The following ASIC2 variants were observed in gnomAD, a reference collection of about 807,000 sequenced individuals.
ASIC2 encodes acid sensing ion channel subunit 2.
Under a neutral mutation model 57.3 loss-of-function variants are expected in ASIC2, and 25 were observed. That is an observed-to-expected ratio of 0.44 (90% CI 0.32 to 0.61). The LOEUF is 0.61. ASIC2 is among the 20% of genes least tolerant of loss of function. The pLI, the probability that ASIC2 is intolerant of heterozygous loss-of-function variation, is 0.06. For missense variants in ASIC2, 641 were observed against 738.1 expected (o/e 0.87, Z 1.52); for synonymous variants, 319 against 307.5 (o/e 1.04, Z -0.39).
chr17:34,042,565 G>A (rs1227797943), intron 1 of ASIC2, among the ~76,000 whole-genome samples: 1 of 151,930 alleles, frequency 6.6e-6, no homozygotes, highest in Non-Finnish European at 1.5e-5. Flanking sequence ...GGTGTGGGAA[G>A]GACAGGAGGG....
At chr17:33,679,041 C>T (rs1178653469) in intron 1 of ASIC2, among the ~76,000 whole-genome samples, 1 of 152,172 alleles carries the variant, frequency 6.6e-6, no homozygotes, top group African/African-American at 2.4e-5. Context: ...TTAGTGTGTT[C>T]ATGTTTCAAC....
At chr17:33,795,715 T>G (rs943699233) in intron 1 of ASIC2, among the ~76,000 whole-genome samples, 1 of 152,224 alleles carries the variant, frequency 6.6e-6, no homozygotes, top group South Asian at 2.1e-4. Context: ...TTGATAGATA[T>G]CTCTCATAAA....
chr17:34,086,376 T>C (rs1910113008), intron 1 of ASIC2, among the ~76,000 whole-genome samples: 1 of 152,248 alleles, frequency 6.6e-6, no homozygotes, highest in African/African-American at 2.4e-5. Flanking sequence ...TCCTGAGTTC[T>C]AATTTGATTG....
At chr17:34,034,568 A>T (rs1907776332) in intron 1 of ASIC2, among the ~76,000 whole-genome samples, 1 of 152,226 alleles carries the variant, frequency 6.6e-6, no homozygotes, top group Admixed American at 6.5e-5. Flanking sequence ...GAGGAAGTCA[A>T]ATTGTCCCTG....
intron 1 of ASIC2, among the ~76,000 whole-genome samples, chr17:33,878,157 A>G (rs1358404175): frequency 6.6e-6 from 1 of 152,212 alleles, no homozygotes; most frequent in East Asian, 1.9e-4. Flanking sequence ...AAAGATGGGG[A>G]AAAAACAGAG....
At chr17:33,894,988 A>G (rs1452458942) in intron 1 of ASIC2, among the ~76,000 whole-genome samples, 1 of 152,180 alleles carries the variant, frequency 6.6e-6, no homozygotes, top group Non-Finnish European at 1.5e-5. Context: ...CCCTGCAATT[A>G]GAGCCCATAT....
chr17:34,077,152 C>T (rs1038575291), intron 1 of ASIC2, among the ~76,000 whole-genome samples: 3 of 152,278 alleles, frequency 2.0e-5, no homozygotes, highest in African/African-American at 4.8e-5. Context: ...TCCTCTCTAC[C>T]GGTATTACCC....
At chr17:33,847,093 G>A (rs1913629036) in intron 1 of ASIC2, among the ~76,000 whole-genome samples, 1 of 151,568 alleles carries the variant, frequency 6.6e-6, no homozygotes, top group Non-Finnish European at 1.5e-5. Flanking sequence ...GCACCTAAAG[G>A]ATTTGGAAAT....
At chr17:33,218,428 C>G (rs1907576683) in intron 1 of ASIC2, among the ~76,000 whole-genome samples, 1 of 152,206 alleles carries the variant, frequency 6.6e-6, no homozygotes, top group Non-Finnish European at 1.5e-5. Flanking sequence ...CAGTGCCCGG[C>G]ACAGTGGAAC....
intron 8 of ASIC2, among the ~76,000 whole-genome samples, chr17:33,016,875 A>AG (rs1257418545): frequency 6.6e-6 from 1 of 152,164 alleles, no homozygotes; most frequent in Non-Finnish European, 1.5e-5. Context: ...TCTCACAGCC[A>AG]GGGGGATGGA....
chr17:33,901,529 A>C (rs1915231786), intron 1 of ASIC2, among the ~76,000 whole-genome samples: 1 of 152,124 alleles, frequency 6.6e-6, no homozygotes, highest in Non-Finnish European at 1.5e-5. Context: ...CCTGGAAGCC[A>C]GCTCAGTACT....
chr17:33,195,742 G>C (rs958070211), intron 1 of ASIC2, among the ~76,000 whole-genome samples: 6 of 152,182 alleles, frequency 3.9e-5, no homozygotes, highest in Non-Finnish European at 8.8e-5. Flanking sequence ...GCTTGCCGAA[G>C]GTCATGCAGC....
At chr17:34,109,726 T>TC (rs1435920127) in intron 1 of ASIC2, among the ~76,000 whole-genome samples, 7 of 152,220 alleles carry the variant, frequency 4.6e-5, no homozygotes, top group African/African-American at 1.4e-4. Context: ...CATTAAGCCT[T>TC]CCTCATTGAG....
At chr17:33,714,278 G>T (rs1297925256) in intron 1 of ASIC2, among the ~76,000 whole-genome samples, 1 of 152,060 alleles carries the variant, frequency 6.6e-6, no homozygotes, top group Non-Finnish European at 1.5e-5. Context: ...TTACATAAAA[G>T]CATGCAATGA....
At chr17:34,047,418 A>G (rs1002560179) in intron 1 of ASIC2, among the ~76,000 whole-genome samples, 8 of 145,372 alleles carry the variant, frequency 5.5e-5, no homozygotes, top group Non-Finnish European at 1.2e-4. Context: ...CCAGCCCTTC[A>G]TCCCTACTTC....
intron 1 of ASIC2, among the ~76,000 whole-genome samples, chr17:33,311,649 C>T (rs909744439): frequency 6.6e-6 from 1 of 152,072 alleles, no homozygotes; most frequent in African/African-American, 2.4e-5. Flanking sequence ...GTTTGGGAAG[C>T]ACAACTCTAT....
chr17:33,839,670 C>T (rs915297222), intron 1 of ASIC2, among the ~76,000 whole-genome samples: 4 of 152,282 alleles, frequency 2.6e-5, no homozygotes, highest in Middle Eastern at 3.4e-3. Flanking sequence ...TTCTAGCTGG[C>T]TTGCTGTTAG....
chr17:33,472,406 A>C (rs1265707411), intron 1 of ASIC2, among the ~76,000 whole-genome samples: 1 of 152,170 alleles, frequency 6.6e-6, no homozygotes, highest in Non-Finnish European at 1.5e-5. Context: ...TAATCTTTAA[A>C]ACAACCCTAG....
Position 33,231,412 on chromosome 17 carries a change from T to C in ASIC2, c.708+59996A>G, listed in dbSNP as rs891048020. Among the ~76,000 whole-genome samples the C allele has an allele frequency of 2.0e-5, 3 of 152,152 alleles. No homozygotes were observed. In the East Asian group the frequency reaches 5.8e-4, roughly 29 times the overall value. On this transcript the variant is annotated intron_variant, in intron 1 of 9. Coordinates refer to ENST00000225823, the MANE Select transcript of ASIC2 (RefSeq NM_183377.2). ...CATGGCTCAAGGACTGCTCATGCTATACAGAGGTGCATGGCTGGATGGGGG... is the reference window on the plus strand; with the variant it reads ...CATGGCTCAAGGACTGCTCATGCTACACAGAGGTGCATGGCTGGATGGGGG...
Sources: allele counts gnomAD v4.1 joint callset (sites outside exome capture counted in the v4.1 genomes callset), GRCh38; gene constraint gnomAD v4.1.1; transcripts MANE v1.5; gene names NCBI Gene and HGNC (gene_info 2026-07-23, HGNC 2026-07-21).